Variants in LRRCC1 observed in about 807,000 individuals in gnomAD.
LRRCC1 encodes the protein leucine-rich repeat and coiled-coil domain-containing protein 1.
Under a neutral mutation model 126.0 loss-of-function variants are expected in LRRCC1, and 115 were observed. The observed-to-expected ratio is 0.91, with a 90% CI of 0.78 to 1.07. The LOEUF is 1.07. LRRCC1 is among the 50% of genes least tolerant of loss of function. The pLI, the probability that LRRCC1 is intolerant of heterozygous loss-of-function variation, is 0.00. For missense variants in LRRCC1, 1,172 were observed against 1,175.7 expected, an observed-to-expected ratio of 1.00 and a Z score of 0.05; for synonymous variants, 400 against 393.4, an observed-to-expected ratio of 1.02 and a Z score of -0.20.
chr8:85,124,750 C>T (rs760171054), intron 7 of LRRCC1, 42 bp from the exon 8 acceptor site: 6 of 1,322,950 alleles, frequency 4.5e-6, no homozygotes, highest in Non-Finnish European at 5.1e-6. Context: ...GTAATGTGAA[C>T]ACTACTTTTT....
At chr8:85,116,556 G>A (rs1809142237) in intron 6 of LRRCC1, among the ~76,000 whole-genome samples, 1 of 151,888 alleles carries the variant, frequency 6.6e-6, no homozygotes, top group African/African-American at 2.4e-5. Flanking sequence ...AATTCTTTGT[G>A]TGGAGACTGG....
At chr8:85,108,577 T>C (rs1278254803) in intron 1 of LRRCC1, 1 of 152,230 alleles carries the variant, frequency 6.6e-6, no homozygotes, top group Non-Finnish European at 1.5e-5. Context: ...TAAATGACTG[T>C]CATTAAGAGC....
At chr8:85,112,606 C>T (rs190272731) in intron 3 of LRRCC1, among the ~76,000 whole-genome samples, 12 of 152,316 alleles carry the variant, frequency 7.9e-5, no homozygotes, top group Admixed American at 3.9e-4. Context: ...ACTGATGTGT[C>T]GAGAGAGCCT....
Position 85,109,671 on chromosome 8 carries a change from A to T in LRRCC1, c.181A>T (p.Ile61Phe), listed in dbSNP as rs1285830171. The T allele has an allele frequency of 6.2e-7, 1 of 1,611,108 alleles. No individual in the cohort carries two copies. The change falls in exon 2 of 19, where the codon ATT (isoleucine) becomes TTT (phenylalanine). Residue 61 changes from isoleucine to phenylalanine, a missense_variant. Ile to Phe is a conservative substitution (Grantham distance 21, BLOSUM62 0). Coordinates refer to ENST00000360375, the MANE Select transcript of LRRCC1 (RefSeq NM_033402.5). ...CAATAACATCTCCAAGATCGAAGCC[A>T]TTGATCATATTTGGAATTTACAACA... ...HCNNISKIEA[I>F]DHIWNLQHLD...
At chr8:85,139,966 A>G (rs953979994) in intron 17 of LRRCC1, among the ~76,000 whole-genome samples, 3 of 152,196 alleles carry the variant, frequency 2.0e-5, no homozygotes, top group African/African-American at 7.2e-5. Context: ...TTTGCTTTCA[A>G]CCAAGTACTA....
rs1337545730 is a variant in LRRCC1, at chr8:85,138,081, T to G, written c.2540T>G (p.Ile847Ser). Residue 847 changes from isoleucine (I) to serine (S), a missense_variant, in exon 16 of 19, where the codon ATC becomes AGC. Coordinates refer to ENST00000360375, the MANE Select transcript of LRRCC1 (RefSeq NM_033402.5). ...CACATCAAAAGATTACAAGAAAAGA[T>G]CACAGAAATAGAAAAATGCACTCAA... ...DEHIKRLQEKITEIEKCTQEQ... is the reference protein window; with the variant it reads ...DEHIKRLQEKSTEIEKCTQEQ... The G allele has an allele frequency of 1.3e-6, 2 of 1,597,156 alleles. No homozygotes were observed. Among genetic ancestry groups the G allele is most frequent in the Admixed American group, 1.7e-5 (1 of 58,056 alleles).
At chr8:85,140,823 G>A (rs1245109072) in intron 17 of LRRCC1, among the ~76,000 whole-genome samples, 2 of 152,152 alleles carry the variant, frequency 1.3e-5, no homozygotes, top group Non-Finnish European at 2.9e-5. Context: ...AGTACTTTGG[G>A]AGGCCGAGGC....
chr8:85,145,363 A>G lies in LRRCC1; in HGVS notation c.2977-26A>G, dbSNP rs546388718. 2.3e-5 allele frequency: 33 copies of G among 1,413,582 alleles called. No individual in the cohort carries two copies. The South Asian group carries it at 5.1e-4, about 22-fold the overall frequency. The allele number at this position is 1,413,582 out of a possible 1,614,324, so 87.6% of individuals were successfully genotyped here. A position where few individuals can be genotyped will look rare whatever the true frequency, so the allele number is the denominator to read the frequency against. ...AAATACATTTTCTTTAAGAAATTAA[A>G]ATGTAAAATTTACATGTCGATTTAG... is the stretch of plus-strand genomic sequence containing the variant. On this transcript the variant is annotated intron_variant, in intron 18 of 18. Transcript: ENST00000360375.
intron 18 of LRRCC1, among the ~76,000 whole-genome samples, chr8:85,144,840 G>A (rs1464520945): frequency 1.4e-5 from 2 of 146,670 alleles, no homozygotes; most frequent in African/African-American, 2.5e-5. Context: ...GGAGGCCGAG[G>A]TGGGCGGATC....
chr8:85,128,983 A>G (rs533386687), intron 9 of LRRCC1, among the ~76,000 whole-genome samples, 192 bp from the exon 10 acceptor site: 3 of 152,062 alleles, frequency 2.0e-5, no homozygotes, highest in African/African-American at 7.2e-5. Context: ...TGATTGTTCC[A>G]TTTCTGTTTC....
chr8:85,120,170 A>G (rs2135941442), intron 6 of LRRCC1, among the ~76,000 whole-genome samples: 1 of 152,192 alleles, frequency 6.6e-6, no homozygotes, highest in Admixed American at 6.5e-5. Flanking sequence ...CTAGGTGGAT[A>G]TTCATTGTGC....
intron 9 of LRRCC1, 109 bp from the exon 10 acceptor site, chr8:85,129,066 G>T (rs1374637475): frequency 8.8e-6 from 7 of 793,344 alleles, no homozygotes; most frequent in Non-Finnish European, 1.5e-5. Context: ...CAGGAGTTGA[G>T]AGCATGAACA....
intron 3 of LRRCC1, among the ~76,000 whole-genome samples, chr8:85,112,229 T>G (rs571228299): frequency 2.6e-5 from 4 of 152,172 alleles, no homozygotes; most frequent in Admixed American, 1.3e-4. Context: ...AATTGTGCAG[T>G]CTGACTCTTA....
At position 85,123,495 on chromosome 8, in the gene LRRCC1, G is replaced by A. The variant is rs1809726814; in HGVS notation, c.1013G>A (p.Gly338Glu). The change falls in exon 7 of 19, where the codon GGA becomes GAA. Residue 338 changes from glycine to glutamate, a missense_variant. Coordinates refer to ENST00000360375, the MANE Select transcript of LRRCC1 (RefSeq NM_033402.5). ...DTDITSESDY[G>E]NRKECNRKVP... The stretch of plus-strand genomic sequence containing the variant: ...GATATAACTTCTGAAAGTGACTATG[G>A]AAACAGAAAAGAATGCAATAGAAAA... 2 of 1,611,072 alleles carry A rather than the reference G, an allele frequency of 1.2e-6. No homozygotes were observed. Among genetic ancestry groups the A allele is most frequent in the South Asian group, 1.1e-5 (1 of 90,636 alleles).
In LRRCC1 at chr8:85,115,279, T is replaced by A. The variant is rs901391365; in HGVS notation, c.720+4T>A. On this transcript the variant is annotated splice_donor_region_variant and intron_variant, in intron 5 of 18. Transcript: ENST00000360375. ...CCTAAATATAAGTGAAGATGAGGTATAGTATTTACTTTTTTTTTCCTAATA... is the reference window on the plus strand; with the variant it reads ...CCTAAATATAAGTGAAGATGAGGTAAAGTATTTACTTTTTTTTTCCTAATA... 2 of 1,580,118 alleles carry A rather than the reference T, an allele frequency of 1.3e-6. No homozygotes were observed. Among genetic ancestry groups the A allele is most frequent in the African/African-American group, 2.7e-5 (2 of 73,178 alleles).
intron 6 of LRRCC1, among the ~76,000 whole-genome samples, chr8:85,120,364 CTG>C (rs536520113): frequency 2.6e-5 from 4 of 152,166 alleles, no homozygotes; most frequent in Non-Finnish European, 5.9e-5. Context: ...GTTGAAATCT[CTG>C]TGGTTGTGGA....
chr8:85,140,694 G>C (rs1811191685), intron 17 of LRRCC1, among the ~76,000 whole-genome samples: 1 of 152,144 alleles, frequency 6.6e-6, no homozygotes, highest in Non-Finnish European at 1.5e-5. Context: ...TCTGTAGTAT[G>C]CACTTCTCAA....
intron 12 of LRRCC1, among the ~76,000 whole-genome samples, chr8:85,134,002 G>A (rs149927002): frequency 1.3e-5 from 2 of 152,168 alleles, no homozygotes; most frequent in African/African-American, 4.8e-5. Context: ...CCACTCCAGT[G>A]ACAACAGCCT....
At chr8:85,134,717 G>A (rs2135985812) in intron 12 of LRRCC1, 130 bp from the exon 13 acceptor site, 2 of 595,828 alleles carry the variant, frequency 3.4e-6, no homozygotes, top group East Asian at 6.7e-5. Flanking sequence ...TCATCATCTG[G>A]AAATTACTAG....
Sources: allele counts gnomAD v4.1 joint callset (sites outside exome capture counted in the v4.1 genomes callset), GRCh38; gene constraint gnomAD v4.1.1; transcripts MANE v1.5; gene names NCBI Gene and HGNC (gene_info 2026-07-23, HGNC 2026-07-21).